PRKCE: variants seen among roughly 807,000 people sequenced by gnomAD.
PRKCE encodes the protein protein kinase C epsilon type.
PRKCE carries 16 observed loss-of-function variants against 85.4 expected under a neutral mutation model. That is an observed-to-expected ratio of 0.19 (90% CI 0.13 to 0.28). The LOEUF is 0.28. Ranked by LOEUF, PRKCE falls within the 10% of genes least tolerant of loss-of-function variation. The pLI is 1.00. For synonymous variants in PRKCE, 388 were observed against 371.5 expected, an observed-to-expected ratio of 1.04 and a Z score of -0.51; for missense variants, 573 against 975.2, an observed-to-expected ratio of 0.59 and a Z score of 5.49.
At chr2:45,999,167 C>G (rs1029956562) in intron 6 of PRKCE, among the ~76,000 whole-genome samples, 6 of 152,108 alleles carry the variant, frequency 3.9e-5, no homozygotes, top group African/African-American at 1.4e-4. Context: ...ATTTCTTCAC[C>G]TTTCTTTACC....
intron 10 of PRKCE, among the ~76,000 whole-genome samples, chr2:46,042,477 C>G (rs1708271596): frequency 6.6e-6 from 1 of 152,232 alleles, no homozygotes; most frequent in Non-Finnish European, 1.5e-5. Context: ...GAATTTCAAT[C>G]AGGACTAGCC....
chr2:45,801,399 G>A (rs1436109028), intron 1 of PRKCE, among the ~76,000 whole-genome samples: 2 of 152,178 alleles, frequency 1.3e-5, no homozygotes, highest in Non-Finnish European at 2.9e-5. Context: ...TGGAATTTCA[G>A]GCCAAGGGTT....
intron 2 of PRKCE, among the ~76,000 whole-genome samples, chr2:45,964,938 A>G (rs1007121036): frequency 4.6e-5 from 7 of 152,234 alleles, no homozygotes; most frequent in African/African-American, 1.4e-4. Flanking sequence ...AAATCCTGCC[A>G]TGAACACAGC....
intron 1 of PRKCE, among the ~76,000 whole-genome samples, chr2:45,828,534 T>A (rs1424838118): frequency 6.6e-6 from 1 of 152,266 alleles, no homozygotes; most frequent in African/African-American, 2.4e-5. Context: ...CTATAATTAT[T>A]TGACCAGGAA....
At chr2:45,859,931 G>T (rs578175530) in intron 2 of PRKCE, among the ~76,000 whole-genome samples, 1 of 152,264 alleles carries the variant, frequency 6.6e-6, no homozygotes, top group South Asian at 2.1e-4. Flanking sequence ...CCACACACTT[G>T]TATAATGTAG....
intron 1 of PRKCE, among the ~76,000 whole-genome samples, chr2:45,695,014 G>A (rs950978704): frequency 2.6e-5 from 4 of 152,170 alleles, no homozygotes; most frequent in Non-Finnish European, 4.4e-5. Flanking sequence ...CCTCATGTAA[G>A]ATGCATTGGT....
chr2:45,996,110 G>A (rs755916385), intron 6 of PRKCE, among the ~76,000 whole-genome samples: 23 of 152,002 alleles, frequency 1.5e-4, no homozygotes, highest in Non-Finnish European at 1.2e-4. Context: ...ATTTCATTTG[G>A]GGGAATGATA....
At chr2:45,741,630 C>T (rs995654165) in intron 1 of PRKCE, among the ~76,000 whole-genome samples, 4 of 152,192 alleles carry the variant, frequency 2.6e-5, no homozygotes, top group South Asian at 2.1e-4. Context: ...GGCATGTGCA[C>T]GTTTTGGGCA....
chr2:46,047,009 A>G (rs980248023), intron 10 of PRKCE, among the ~76,000 whole-genome samples: 5 of 152,198 alleles, frequency 3.3e-5, no homozygotes, highest in African/African-American at 1.2e-4. Context: ...GGCCATGATC[A>G]GCCTGCTCTC....
chr2:45,979,099 G>T, intron 4 of PRKCE, 89 bp downstream of exon 4: 1 of 1,234,054 alleles, frequency 8.1e-7, no homozygotes, highest in South Asian at 1.3e-5. Context: ...TCAGTCTGAT[G>T]ACATTTGGAG....
intron 2 of PRKCE, among the ~76,000 whole-genome samples, chr2:45,888,129 G>A (rs571555937): frequency 6.6e-6 from 1 of 152,344 alleles, no homozygotes; most frequent in African/African-American, 2.4e-5. Flanking sequence ...TTTGGGGAAT[G>A]TGTGTGTGGA....
intron 1 of PRKCE, among the ~76,000 whole-genome samples, chr2:45,799,165 CAA>C (rs60365471): frequency 5.0e-5 from 6 of 119,614 alleles, no homozygotes; most frequent in Admixed American, 8.7e-5. Context: ...GACTCCGTTT[CAA>C]AAAAAAAAAA....
At chr2:45,867,394 G>A (rs1693697832) in intron 2 of PRKCE, among the ~76,000 whole-genome samples, 1 of 152,134 alleles carries the variant, frequency 6.6e-6, no homozygotes, top group Non-Finnish European at 1.5e-5. Flanking sequence ...CAAGATTTGG[G>A]ATATAAGTAA....
At chr2:45,679,514 A>T (rs570929351) in intron 1 of PRKCE, among the ~76,000 whole-genome samples, 111 of 152,316 alleles carry the variant, frequency 7.3e-4, no homozygotes, top group African/African-American at 2.4e-3. Flanking sequence ...GTTTATAATA[A>T]GTGCCAAGTA....
At chr2:46,147,148 A>G (rs1275092018) in intron 12 of PRKCE, among the ~76,000 whole-genome samples, 1 of 152,234 alleles carries the variant, frequency 6.6e-6, no homozygotes, top group Non-Finnish European at 1.5e-5. Context: ...TAAGAGATCT[A>G]AAGAGTAGGG....
chr2:45,992,075 A>G (rs948156936), intron 6 of PRKCE, among the ~76,000 whole-genome samples: 4 of 152,208 alleles, frequency 2.6e-5, no homozygotes, highest in African/African-American at 9.7e-5. Context: ...ATTGAACATA[A>G]TAAGTGAAAT....
Position 45,980,333 on chromosome 2 carries a change from C to T in PRKCE, c.645C>T (p.Leu215=). 1.9e-6 allele frequency: 3 copies of T among 1,599,686 alleles called. No homozygotes were observed. Among genetic ancestry groups the T allele is most frequent in the Non-Finnish European group, 1.7e-6 (2 of 1,179,946 alleles). The part of the protein sequence containing the change: ...TCVVHKRCHE[L]IITKCAGLKK... The stretch of plus-strand genomic sequence containing the variant: ...TGGTCCACAAGCGGTGCCACGAGCT[C>T]ATAATCACAAAGTGTGCTGGGTTAA... Residue 215 remains leucine (L), a synonymous_variant, in exon 5 of 15, where the codon CTC becomes CTT. Coordinates refer to ENST00000306156, the MANE Select transcript of PRKCE (RefSeq NM_005400.3).
intron 2 of PRKCE, among the ~76,000 whole-genome samples, chr2:45,933,751 C>T (rs1699238079): frequency 6.6e-6 from 1 of 152,138 alleles, no homozygotes; most frequent in Admixed American, 6.5e-5. Context: ...GCTGGGATTA[C>T]AGGCGTGAGC....
chr2:45,953,519 G>C (rs1419103088), intron 2 of PRKCE, among the ~76,000 whole-genome samples: 1 of 152,130 alleles, frequency 6.6e-6, no homozygotes, highest in Non-Finnish European at 1.5e-5. Context: ...ACCCAACCGT[G>C]GGCTGTGCCC....
Sources: allele counts gnomAD v4.1 joint callset (sites outside exome capture counted in the v4.1 genomes callset), GRCh38; gene constraint gnomAD v4.1.1; transcripts MANE v1.5; gene names NCBI Gene and HGNC (gene_info 2026-07-23, HGNC 2026-07-21).